Variants in SLC60A2 observed in about 807,000 individuals in gnomAD.
The protein encoded by SLC60A2 is solute carrier family 60 member 2, also known as major facilitator superfamily domain containing 4B.
the SLC60A2 span, among the ~76,000 whole-genome samples, chr6:111,276,961 C>T: frequency 5.9e-5 from 9 of 152,158 alleles, no homozygotes; most frequent in Admixed American, 2.0e-4. Context: ...GTCCAGATTC[C>T]GGAGGAAACC....
At chr6:111,259,527 G>C in the SLC60A2 span, 8 of 562,320 alleles carry the variant, frequency 1.4e-5, no homozygotes, top group Admixed American at 3.9e-5. Context: ...CGACTTCTCC[G>C]GAGCCGCCGA....
the SLC60A2 span, chr6:111,265,756 A>G: frequency 1.3e-6 from 1 of 757,952 alleles, no homozygotes; most frequent in South Asian, 2.0e-5. Flanking sequence ...TGATAATTAG[A>G]ATATTATAAT....
At chr6:111,262,212 A>T in the SLC60A2 span, 3 of 1,524,868 alleles carry the variant, frequency 2.0e-6, no homozygotes, top group Non-Finnish European at 1.8e-6. Context: ...GTTAGACATT[A>T]TTTTAATGAT....
chr6:111,275,740 C>T, the SLC60A2 span, among the ~76,000 whole-genome samples: 1 of 152,120 alleles, frequency 6.6e-6, no homozygotes, highest in Non-Finnish European at 1.5e-5. Context: ...TTATACGATG[C>T]TTTTCCAATA....
At chr6:111,274,096 T>C in the SLC60A2 span, among the ~76,000 whole-genome samples, 1 of 152,172 alleles carries the variant, frequency 6.6e-6, no homozygotes, top group Non-Finnish European at 1.5e-5. Context: ...GCTCAAGCAT[T>C]CCTCCCACTT....
At chr6:111,259,767 C>A in the SLC60A2 span, 1 of 1,542,566 alleles carries the variant, frequency 6.5e-7, no homozygotes, top group Non-Finnish European at 8.7e-7. Flanking sequence ...CCGGGGCGTT[C>A]GAGTCTTGCC....
chr6:111,271,524 A>G, the SLC60A2 span, among the ~76,000 whole-genome samples: 1 of 151,986 alleles, frequency 6.6e-6, no homozygotes, highest in Non-Finnish European at 1.5e-5. Flanking sequence ...TCTAAAGTAT[A>G]TTGACATTAC....
the SLC60A2 span, among the ~76,000 whole-genome samples, chr6:111,275,867 A>G: frequency 6.6e-6 from 1 of 152,076 alleles, no homozygotes; most frequent in Non-Finnish European, 1.5e-5. Flanking sequence ...CATCACTTCC[A>G]CTCATCCACA....
the SLC60A2 span, chr6:111,267,161 T>C: frequency 6.5e-7 from 1 of 1,533,086 alleles, no homozygotes; most frequent in Non-Finnish European, 8.8e-7. Flanking sequence ...TAACTGCCAC[T>C]TCTAAGGACG....
chr6:111,264,032 G>GC, the SLC60A2 span: 1 of 683,356 alleles, frequency 1.5e-6, no homozygotes, highest in Non-Finnish European at 2.6e-6. Context: ...CACTTGCAAT[G>GC]CCCCCTAAAA....
At chr6:111,275,192 C>A in the SLC60A2 span, among the ~76,000 whole-genome samples, 1 of 151,960 alleles carries the variant, frequency 6.6e-6, no homozygotes, top group South Asian at 2.1e-4. Flanking sequence ...CAGGTGTAAG[C>A]CACGATACCC....
At chr6:111,274,076 A>G in the SLC60A2 span, among the ~76,000 whole-genome samples, 10 of 152,214 alleles carry the variant, frequency 6.6e-5, no homozygotes, top group East Asian at 1.9e-3. Flanking sequence ...GGCTGGTCTC[A>G]AACTCCTGGG....
chr6:111,260,944 G>T, the SLC60A2 span, among the ~76,000 whole-genome samples: 2 of 152,338 alleles, frequency 1.3e-5, no homozygotes, highest in East Asian at 3.9e-4. Flanking sequence ...TGGGCAGGGG[G>T]CGCACCCCAT....
At chr6:111,276,967 A>T in the SLC60A2 span, among the ~76,000 whole-genome samples, 1 of 151,984 alleles carries the variant, frequency 6.6e-6, no homozygotes, top group Admixed American at 6.5e-5. Context: ...ATTCCGGAGG[A>T]AACCTGTTTG....
chr6:111,276,270 C>T, the SLC60A2 span, among the ~76,000 whole-genome samples: 1 of 152,122 alleles, frequency 6.6e-6, no homozygotes, highest in Non-Finnish European at 1.5e-5. Context: ...GTTTTCAGTT[C>T]TTTTGAGATA....
At chr6:111,273,777 GTGCA>G in the SLC60A2 span, among the ~76,000 whole-genome samples, 2 of 152,268 alleles carry the variant, frequency 1.3e-5, no homozygotes, top group East Asian at 3.9e-4. Flanking sequence ...CCAGGCTGGA[GTGCA>G]GTGGCACAAT....
At chr6:111,259,622 TGAGCCG>T in the SLC60A2 span, 1 of 1,481,546 alleles carries the variant, frequency 6.7e-7, no homozygotes, top group African/African-American at 1.4e-5. Flanking sequence ...CGGCGGAGAA[TGAGCCG>T]GAGCCGGAGG....
At chr6:111,268,891 G>A in the SLC60A2 span, 124,436 of 152,166 alleles carry the variant, frequency 0.82, 51,098 homozygotes, top group Non-Finnish European at 0.86. Flanking sequence ...TCATATATAT[G>A]TGGCAGAATT....
chr6:111,271,775 T>TAAAAAAAAAAAAAAAAAAAAAAAAAAAA, the SLC60A2 span, among the ~76,000 whole-genome samples: 1 of 18,836 alleles, frequency 5.3e-5, no homozygotes, highest in African/African-American at 1.7e-4. Flanking sequence ...CCATCTCTAC[T>TAAAAAAAAAAAAAAAAAAAAAAAAAAAA]AAAAAAAAAA....
Sources: gnomAD v4.1 joint callset for allele counts (sites outside exome capture counted in the v4.1 genomes callset) on GRCh38, gnomAD v4.1.1 for gene constraint, MANE v1.5 for transcripts, NCBI Gene and HGNC (gene_info 2026-07-23, HGNC 2026-07-21) for gene names.